The following PLEKHB1 variants were observed in gnomAD, a reference collection of about 807,000 sequenced individuals.
PLEKHB1 encodes the protein pleckstrin homology domain containing B1.
In PLEKHB1, 29 loss-of-function variants were observed where a neutral mutation model predicts 36.2. The ratio of observed to expected loss-of-function variants is 0.80; its 90% CI spans 0.60 to 1.09. The LOEUF (loss-of-function observed/expected upper bound fraction) is 1.09, where lower values mean the gene tolerates loss of function less well. Among genes scored for constraint, PLEKHB1 ranks in the 50% least tolerant of loss-of-function variants. The pLI, the probability that PLEKHB1 is intolerant of heterozygous loss-of-function variation, is 0.00. For missense variants in PLEKHB1, 330 were observed against 348.2 expected (o/e 0.95, Z 0.42); for synonymous variants, 138 against 140.0 (o/e 0.99, Z 0.10).
chr11:73,655,838 C>A lies in PLEKHB1; in HGVS notation c.426C>A (p.Arg142=). The A allele has an allele frequency of 6.2e-7, 1 of 1,613,830 alleles. No homozygotes were observed. The highest frequency in any genetic ancestry group is 8.5e-7 in the Non-Finnish European group (1 of 1,179,868). Residue 142 remains arginine (R), a synonymous_variant, in exon 6 of 8, where the codon CGC becomes CGA. Coordinates refer to ENST00000354190, the MANE Select transcript of PLEKHB1 (RefSeq NM_021200.3). ...PAGATVPPRS[R]RVCSKVRCVT... is the part of the protein sequence containing the mutation. ...GAGCCACCGTCCCTCCCAGGAGCCG[C>A]CGGGTTTGCTCCAAGGTCAGGTGTG...
intron 5 of PLEKHB1, among the ~76,000 whole-genome samples, chr11:73,655,001 G>A (rs1944964376): frequency 6.6e-6 from 1 of 152,158 alleles, no homozygotes; most frequent in African/African-American, 2.4e-5. Context: ...TAGTCTGCAG[G>A]GTGGAGGGAC....
intron 5 of PLEKHB1, among the ~76,000 whole-genome samples, chr11:73,654,441 G>A (rs1334317166): frequency 6.6e-6 from 1 of 152,230 alleles, no homozygotes; most frequent in African/African-American, 2.4e-5. Context: ...ATCATGCTAA[G>A]CCCCTGGCAG....
At chr11:73,647,011 C>T (rs1944782329) in intron 1 of PLEKHB1, among the ~76,000 whole-genome samples, 1 of 152,136 alleles carries the variant, frequency 6.6e-6, no homozygotes. Context: ...TATTTCTTTC[C>T]AAACCCTGCA....
chr11:73,650,069 G>T lies in PLEKHB1; in HGVS notation c.95-484G>T, dbSNP rs141567127. Among the ~76,000 whole-genome samples, 209 of 152,240 alleles carry T rather than the reference G, an allele frequency of 1.4e-3. 3 individuals carry two copies. Among genetic ancestry groups the T allele is most frequent in the African/African-American group, 4.8e-3 (201 of 41,542 alleles). Reference sequence around the variant, plus strand: ...TACCTACCTGGCTAATTAAAAATTAGCCAGGTGCAGTGGTGCGTGCCTGAT... The same window carrying T: ...TACCTACCTGGCTAATTAAAAATTATCCAGGTGCAGTGGTGCGTGCCTGAT... On this transcript the variant is annotated intron_variant, in intron 2 of 7. Coordinates refer to ENST00000354190, the MANE Select transcript of PLEKHB1 (RefSeq NM_021200.3).
intron 1 of PLEKHB1, among the ~76,000 whole-genome samples, chr11:73,647,162 C>A (rs1316435847): frequency 6.6e-6 from 1 of 152,168 alleles, no homozygotes; most frequent in Non-Finnish European, 1.5e-5. Flanking sequence ...GCCCCTCATC[C>A]TCCAAGGCCC....
At chr11:73,646,690 A>C in intron 1 of PLEKHB1, 64 bp downstream of exon 1, 1 of 1,520,296 alleles carries the variant, frequency 6.6e-7, no homozygotes, top group Non-Finnish European at 8.9e-7. Flanking sequence ...CTTGCCACAT[A>C]GGGGACGGGA....
intron 4 of PLEKHB1, chr11:73,652,701 G>A (rs992759040): frequency 4.0e-5 from 15 of 377,036 alleles, no homozygotes; most frequent in African/African-American, 2.7e-4. Context: ...CATCCCCTGA[G>A]AGACCACCCA....
At chr11:73,654,236 C>T (rs780235593) in intron 5 of PLEKHB1, among the ~76,000 whole-genome samples, 9 of 152,154 alleles carry the variant, frequency 5.9e-5, no homozygotes, top group South Asian at 2.1e-4. Context: ...ATGGAAGTGG[C>T]GGTTTGAAGA....
intron 1 of PLEKHB1, chr11:73,647,845 A>G: frequency 7.2e-6 from 7 of 976,262 alleles, no homozygotes; most frequent in Non-Finnish European, 8.5e-6. Context: ...AGGAACAGAC[A>G]AGGCTGGGCC....
At chr11:73,647,492 C>G in intron 1 of PLEKHB1, 1 of 920,894 alleles carries the variant, frequency 1.1e-6, no homozygotes, top group Non-Finnish European at 1.3e-6. Context: ...TTCTGCCCAG[C>G]TCTACAGGGG....
intron 3 of PLEKHB1, chr11:73,651,353 CAA>C (rs35147175): frequency 0.027 from 8,646 of 324,726 alleles, no homozygotes; most frequent in Middle Eastern, 0.032. Context: ...GACCCTGTCT[CAA>C]AAAAAAAAAA....
rs1945114744 is a variant in PLEKHB1 at position 73,661,378 on chromosome 11, G to T, written c.596-88G>T. On this transcript the variant is annotated intron_variant, in intron 7 of 7. Coordinates refer to ENST00000354190, the MANE Select transcript of PLEKHB1 (RefSeq NM_021200.3). The surrounding 1 kb of genome is among the most constrained non-coding windows in gnomAD (Gnocchi z 4.6). ...AGAGTGGGTTCGGCGCCTTACACTG[G>T]GTTGGGCTGGAGTGATGCAGGAAGG... The T allele has an allele frequency of 6.7e-7, 1 of 1,487,334 alleles. No homozygotes were observed. The highest frequency in any genetic ancestry group is 1.4e-5 in the African/African-American group (1 of 72,136). 92.1% of individuals were successfully genotyped at this position (1,487,334 alleles called of 1,614,324 possible).
chr11:73,655,706 T>G (rs3741147), intron 5 of PLEKHB1, 97 bp from the exon 6 acceptor site: 154,322 of 1,028,504 alleles, frequency 0.15, 13,008 homozygotes, highest in South Asian at 0.3. Context: ...AGGGCTCTGG[T>G]AGGGTCTGGA....
chr11:73,661,870 C>T lies in PLEKHB1; in HGVS notation c.*268C>T. ...GTTATAGACATTTATGGATACATTTCCTCTAAACACAACAGGGCACAGCAA... is the reference window on the plus strand; with the variant it reads ...GTTATAGACATTTATGGATACATTTTCTCTAAACACAACAGGGCACAGCAA... On this transcript the variant is annotated 3_prime_UTR_variant, in exon 8 of 8. Transcript: ENST00000354190. This position sits in a 1 kb window ranked among gnomAD's most constrained non-coding sequence, Gnocchi z 4.6. 2.2e-6 allele frequency: 1 copy of T among 446,058 alleles called. No individual in the cohort carries two copies. Among genetic ancestry groups the T allele is most frequent in the South Asian group, 4.3e-5 (1 of 23,500 alleles). The allele number at this position is 446,058 out of a possible 1,614,324, so 27.6% of individuals were successfully genotyped here.
In PLEKHB1 at chr11:73,653,359, T is replaced by C. The variant is rs1358018668; in HGVS notation, c.390+345T>C. Reference sequence around the variant, plus strand: ...TCCTGTGAAGTTGGGGTTATTGTTCTCTCTCTGCAGATGATAAGACTGAAG... The same window carrying C: ...TCCTGTGAAGTTGGGGTTATTGTTCCCTCTCTGCAGATGATAAGACTGAAG... On this transcript the variant is annotated intron_variant, in intron 5 of 7. Transcript: ENST00000354190. The C allele has an allele frequency of 2.9e-5, 16 of 554,956 alleles. No homozygotes were observed. In the East Asian group the frequency reaches 7.0e-4, roughly 24 times the overall value. 34.4% of individuals were successfully genotyped at this position (554,956 alleles called of 1,614,324 possible).
At chr11:73,648,101 A>G in intron 1 of PLEKHB1, 2 of 472,610 alleles carry the variant, frequency 4.2e-6, no homozygotes, top group Non-Finnish European at 5.5e-6. Flanking sequence ...AGGGAGTAGA[A>G]TGTGCGGTGA....
intron 5 of PLEKHB1, 139 bp downstream of exon 5, chr11:73,653,153 C>T: frequency 1.1e-6 from 1 of 887,868 alleles, no homozygotes; most frequent in Non-Finnish European, 1.7e-6. Flanking sequence ...TGCCTGAGTC[C>T]CAAGTGTTCG....
At chr11:73,655,461 G>A (rs1023704127) in intron 5 of PLEKHB1, among the ~76,000 whole-genome samples, 12 of 152,190 alleles carry the variant, frequency 7.9e-5, no homozygotes, top group Admixed American at 2.0e-4. Flanking sequence ...AGCTAGGGAC[G>A]AGGCTGGGGT....
At chr11:73,648,063 C>T in intron 1 of PLEKHB1, 1 of 840,300 alleles carries the variant, frequency 1.2e-6, no homozygotes, top group Non-Finnish European at 1.4e-6. Flanking sequence ...GATTCCCTTC[C>T]TAACAGGGTT....
Sources: gnomAD v4.1 joint callset for allele counts (sites outside exome capture counted in the v4.1 genomes callset) on GRCh38, gnomAD v4.1.1 for gene constraint, Gnocchi (gnomAD v3.1) non-coding constraint, MANE v1.5 for transcripts, NCBI Gene and HGNC (gene_info 2026-07-23, HGNC 2026-07-21) for gene names.